Variants in KIAA1549L observed in about 807,000 individuals in gnomAD.
The protein encoded by KIAA1549L is UPF0606 protein KIAA1549L.
In KIAA1549L, 88 loss-of-function variants were observed where a neutral mutation model predicts 160.7. The observed-to-expected ratio is 0.55, with a 90% CI of 0.46 to 0.65. The LOEUF (loss-of-function observed/expected upper bound fraction) is 0.65. KIAA1549L is among the 30% of genes least tolerant of loss of function. The pLI, the probability that KIAA1549L is intolerant of heterozygous loss-of-function variation, is 0.00. For synonymous variants in KIAA1549L, 950 were observed against 976.7 expected, an observed-to-expected ratio of 0.97 and a Z score of 0.51; for missense variants, 2,258 against 2,437.5, an observed-to-expected ratio of 0.93 and a Z score of 1.55.
At chr11:33,481,872 T>A (rs1003550037) in intron 1 of KIAA1549L, among the ~76,000 whole-genome samples, 8 of 152,236 alleles carry the variant, frequency 5.3e-5, no homozygotes, top group African/African-American at 1.9e-4. Context: ...AGGATTATGC[T>A]CTTAACTGCA....
chr11:33,585,374 TG>T (rs1417755903), intron 11 of KIAA1549L, among the ~76,000 whole-genome samples: 1 of 152,002 alleles, frequency 6.6e-6, no homozygotes, highest in Non-Finnish European at 1.5e-5. Context: ...CAAAATTAGC[TG>T]GGTGTGGTGG....
chr11:33,518,437 G>A (rs1035410102), intron 1 of KIAA1549L, among the ~76,000 whole-genome samples: 4 of 152,094 alleles, frequency 2.6e-5, no homozygotes, highest in Admixed American at 2.6e-4. Flanking sequence ...GTATGATCCT[G>A]TACTATACAT....
Position 33,551,244 on chromosome 11 carries a change from T to C in KIAA1549L, c.3706T>C (p.Phe1236Leu), listed in dbSNP as rs1366316517. The C allele has an allele frequency of 6.2e-7, 1 of 1,613,082 alleles. No individual in the cohort carries two copies. Among genetic ancestry groups the C allele is most frequent in the Non-Finnish European group, 8.5e-7 (1 of 1,179,766 alleles). The change falls in exon 5 of 21, where the codon TTC becomes CTC. Residue 1236 changes from phenylalanine (F) to leucine (L), a missense_variant. Physicochemically the swap from Phe to Leu is conservative, Grantham distance 22. Around this residue, in one of 6 missense-constraint regions of KIAA1549L, gnomAD observed 1,359 missense variants for 1,546.6 expected, o/e 0.88. Transcript: ENST00000658780. The part of the protein sequence containing the change: ...SPWNPQPAGY[F>L]QLKTVLQFVS... ...ATGGAATCCCCAGCCTGCAGGCTAC[T>C]TCCAGCTAAAAACAGGCAAGTGACT...
At chr11:33,662,985 C>T (rs1382818277) in intron 20 of KIAA1549L, among the ~76,000 whole-genome samples, 1 of 152,194 alleles carries the variant, frequency 6.6e-6, no homozygotes, top group East Asian at 1.9e-4. Context: ...CTAATTGGGC[C>T]TTTCCTGGAG....
At chr11:33,588,954 C>CTGAG (rs2133281899) in intron 11 of KIAA1549L, among the ~76,000 whole-genome samples, 1 of 152,312 alleles carries the variant, frequency 6.6e-6, no homozygotes, top group East Asian at 1.9e-4. Flanking sequence ...CCATCCTGTT[C>CTGAG]TGAGACACAG....
chr11:33,552,653 A>AACAC (rs761358417), intron 6 of KIAA1549L, among the ~76,000 whole-genome samples: 101 of 131,518 alleles, frequency 7.7e-4, no homozygotes, highest in Middle Eastern at 7.7e-3. Flanking sequence ...GACACATGCC[A>AACAC]ACACACACAC....
At chr11:33,515,453 A>G (rs1391059057) in intron 1 of KIAA1549L, among the ~76,000 whole-genome samples, 1 of 152,230 alleles carries the variant, frequency 6.6e-6, no homozygotes, top group Admixed American at 6.5e-5. Context: ...TTTCTGGTCC[A>G]AGCATCTGTG....
At chr11:33,623,859 C>G (rs1851024267) in intron 16 of KIAA1549L, among the ~76,000 whole-genome samples, 1 of 152,190 alleles carries the variant, frequency 6.6e-6, no homozygotes, top group Admixed American at 6.5e-5. Flanking sequence ...AACTTCCCTT[C>G]TGTTAGCAGC....
intron 1 of KIAA1549L, among the ~76,000 whole-genome samples, chr11:33,476,800 C>T (rs1852295514): frequency 6.6e-6 from 1 of 152,244 alleles, no homozygotes; most frequent in African/African-American, 2.4e-5. Context: ...CCTAACGTCA[C>T]ACTGAAACAC....
At chr11:33,510,927 C>A (rs560672386) in intron 1 of KIAA1549L, among the ~76,000 whole-genome samples, 1 of 152,348 alleles carries the variant, frequency 6.6e-6, no homozygotes, top group South Asian at 2.1e-4. Flanking sequence ...GCAGAAAGGG[C>A]ACAGGCCCAG....
chr11:33,643,775 A>G (rs1344679636), intron 16 of KIAA1549L, among the ~76,000 whole-genome samples: 1 of 152,180 alleles, frequency 6.6e-6, no homozygotes, highest in Non-Finnish European at 1.5e-5. Context: ...ATGATCTCCT[A>G]AAGTCCCTTC....
chr11:33,510,252 C>G (rs148361254), intron 1 of KIAA1549L, among the ~76,000 whole-genome samples: 8 of 152,240 alleles, frequency 5.3e-5, no homozygotes, highest in African/African-American at 1.9e-4. Context: ...CTGCTGTGAT[C>G]TCGGCTTACT....
intron 1 of KIAA1549L, among the ~76,000 whole-genome samples, chr11:33,480,973 T>C (rs1444778909): frequency 2.0e-5 from 3 of 152,242 alleles, no homozygotes; most frequent in Non-Finnish European, 4.4e-5. Flanking sequence ...CACATTTTTT[T>C]CCCATAGAAC....
At chr11:33,655,103 T>C (rs963509473) in intron 17 of KIAA1549L, among the ~76,000 whole-genome samples, 1 of 152,230 alleles carries the variant, frequency 6.6e-6, no homozygotes, top group African/African-American at 2.4e-5. Flanking sequence ...GATTTTCTCT[T>C]GCTAAAGGAG....
intron 12 of KIAA1549L, among the ~76,000 whole-genome samples, chr11:33,596,144 T>G (rs746758630): frequency 1.8e-4 from 28 of 152,192 alleles, no homozygotes; most frequent in Non-Finnish European, 3.2e-4. Context: ...ACTTTTGCAT[T>G]CAGTAGCCTC....
intron 16 of KIAA1549L, among the ~76,000 whole-genome samples, chr11:33,635,756 T>C (rs1851420346): frequency 6.6e-6 from 1 of 152,152 alleles, no homozygotes; most frequent in Admixed American, 6.5e-5. Context: ...TGAAGACTTT[T>C]GAGTAGGAAT....
At chr11:33,408,586 A>G (rs1377351827) in intron 1 of KIAA1549L, among the ~76,000 whole-genome samples, 1 of 150,792 alleles carries the variant, frequency 6.6e-6, no homozygotes, top group Non-Finnish European at 1.5e-5. Context: ...CAGATGCCTC[A>G]TGTGAGCAAG....
intron 1 of KIAA1549L, among the ~76,000 whole-genome samples, chr11:33,427,101 C>T (rs1160965887): frequency 6.6e-6 from 1 of 152,164 alleles, no homozygotes; most frequent in East Asian, 1.9e-4. Context: ...TTAGTCTCAT[C>T]AGTTTATACC....
chr11:33,386,828 C>T (rs900174107), intron 1 of KIAA1549L, among the ~76,000 whole-genome samples: 2 of 152,108 alleles, frequency 1.3e-5, no homozygotes. Flanking sequence ...TAATAGGGGC[C>T]AGATGCGGTG....
Sources: gnomAD v4.1 joint callset for allele counts (sites outside exome capture counted in the v4.1 genomes callset) on GRCh38, gnomAD v4.1.1 for gene constraint, gnomAD v4.1.1 regional missense constraint, MANE v1.5 for transcripts, NCBI Gene and HGNC (gene_info 2026-07-23, HGNC 2026-07-21) for gene names.